CSNK1G3: variants seen among roughly 807,000 people sequenced by gnomAD.
CSNK1G3 encodes casein kinase I isoform gamma-3.
In CSNK1G3, 23 loss-of-function variants were observed where a neutral mutation model predicts 64.3. That is an observed-to-expected ratio of 0.36 (90% confidence interval 0.26 to 0.51). The LOEUF (loss-of-function observed/expected upper bound fraction) is 0.51. Among genes scored for constraint, CSNK1G3 ranks in the 20% least tolerant of loss-of-function variants. CSNK1G3 has a pLI of 0.96. For synonymous variants in CSNK1G3, 158 were observed against 162.2 expected (o/e 0.97, Z 0.20); for missense variants, 357 against 510.5 (o/e 0.70, Z 2.90).
At chr5:123,532,378 A>T (rs1780078988) in intron 1 of CSNK1G3, among the ~76,000 whole-genome samples, 1 of 151,882 alleles carries the variant, frequency 6.6e-6, no homozygotes, top group South Asian at 2.1e-4. Context: ...ATAATTTTTT[A>T]TAACAAGGTT....
At chr5:123,593,954 TAC>T (rs1197766005) in intron 10 of CSNK1G3, among the ~76,000 whole-genome samples, 2 of 151,896 alleles carry the variant, frequency 1.3e-5, no homozygotes, top group Non-Finnish European at 2.9e-5. Context: ...AAGAAAAGAG[TAC>T]TGAAGGCTTT....
At position 123,532,362 on chromosome 5, in the gene CSNK1G3, C is replaced by T. The variant is rs141727734; in HGVS notation, c.-247-13055C>T. On this transcript the variant is annotated intron_variant, in intron 1 of 12. Coordinates refer to ENST00000345990, the Ensembl canonical transcript of CSNK1G3. ...TTTGTAGTGCATGTATTACAAACTG[C>T]CCTAAATAATTTTTTATAACAAGGT... Among the ~76,000 whole-genome samples, 188 of 151,826 alleles carry T rather than the reference C, an allele frequency of 1.2e-3. 2 individuals are homozygous for T. The highest frequency in any genetic ancestry group is 2.2e-3 in the Admixed American group (33 of 15,250).
intron 6 of CSNK1G3, among the ~76,000 whole-genome samples, chr5:123,577,927 A>G (rs1789499936): frequency 6.6e-6 from 1 of 151,922 alleles, no homozygotes; most frequent in Admixed American, 6.6e-5. Context: ...TTCTATCACA[A>G]CAGATGAGTT....
chr5:123,520,678 C>A (rs1449947605), intron 1 of CSNK1G3, among the ~76,000 whole-genome samples: 1 of 151,702 alleles, frequency 6.6e-6, no homozygotes, highest in Non-Finnish European at 1.5e-5. Flanking sequence ...TTGAAATTGG[C>A]CATATAATAT....
chr5:123,547,210 G>C (rs1366456375), intron 2 of CSNK1G3, among the ~76,000 whole-genome samples: 2 of 151,850 alleles, frequency 1.3e-5, no homozygotes, highest in Non-Finnish European at 2.9e-5. Context: ...AACCACTCAG[G>C]GCTTCACGTT....
At chr5:123,557,399 A>G (rs1581113959) in intron 3 of CSNK1G3, 96 bp from the exon 4 acceptor site, 1 of 770,774 alleles carries the variant, frequency 1.3e-6, no homozygotes, top group East Asian at 2.6e-5. Flanking sequence ...ACTATTACAT[A>G]ATATAGGCAT....
chr5:123,611,037 A>G (rs187931628), intron 12 of CSNK1G3, among the ~76,000 whole-genome samples: 1 of 152,200 alleles, frequency 6.6e-6, no homozygotes, highest in Non-Finnish European at 1.5e-5. Context: ...AAAATAAAAC[A>G]ATAGTGTGCT....
intron 1 of CSNK1G3, among the ~76,000 whole-genome samples, chr5:123,524,118 A>C (rs1171301987): frequency 2.0e-5 from 3 of 152,160 alleles, no homozygotes; most frequent in Non-Finnish European, 4.4e-5. Flanking sequence ...GGTGCTAGTA[A>C]ATTTCTTCTG....
At chr5:123,611,612 A>T (rs915483184) in intron 12 of CSNK1G3, among the ~76,000 whole-genome samples, 1 of 152,176 alleles carries the variant, frequency 6.6e-6, no homozygotes, top group African/African-American at 2.4e-5. Flanking sequence ...AAAATTTGGG[A>T]CTTTGTCTTG....
At position 123,575,274 on chromosome 5, in the gene CSNK1G3, C is replaced by T. The variant is rs375878409; in HGVS notation, c.439-455C>T. Among the ~76,000 whole-genome samples, 72 of 152,144 alleles carry T rather than the reference C, an allele frequency of 4.7e-4. 1 individual carries two copies. The South Asian group carries it at 0.015, about 31-fold the overall frequency. ...AAAAAGAAAAAGATACTGAATAGTGCTGTTGTTTTTACTTAATAGTTTAGA... is the reference window on the plus strand; with the variant it reads ...AAAAAGAAAAAGATACTGAATAGTGTTGTTGTTTTTACTTAATAGTTTAGA... On this transcript the variant is annotated intron_variant, in intron 5 of 12. Transcript: ENST00000345990.
chr5:123,606,911 A>G (rs535438908), intron 12 of CSNK1G3, among the ~76,000 whole-genome samples: 3 of 152,284 alleles, frequency 2.0e-5, no homozygotes, highest in African/African-American at 7.2e-5. Flanking sequence ...ATATGTCAGT[A>G]TGTGATTAAT....
At chr5:123,555,440 A>T (rs1784448346) in intron 3 of CSNK1G3, among the ~76,000 whole-genome samples, 1 of 152,200 alleles carries the variant, frequency 6.6e-6, no homozygotes, top group African/African-American at 2.4e-5. Flanking sequence ...TGAACATCTT[A>T]TGTCTGCATA....
intron 10 of CSNK1G3, 131 bp from the exon 12 acceptor site, chr5:123,604,593 C>T: frequency 6.0e-6 from 3 of 495,988 alleles, no homozygotes; most frequent in Non-Finnish European, 7.2e-6. Flanking sequence ...TTTTGTGTTC[C>T]TCACATTAAC....
intron 9 of CSNK1G3, 51 bp from the exon 10 acceptor site, chr5:123,591,264 TTAAA>T: frequency 8.8e-7 from 1 of 1,131,418 alleles, no homozygotes; most frequent in South Asian, 1.7e-5. Flanking sequence ...CTAAATGATT[TTAAA>T]TAAGAATTTT....
intron 1 of CSNK1G3, among the ~76,000 whole-genome samples, chr5:123,514,916 T>A (rs1776875449): frequency 6.6e-6 from 1 of 152,162 alleles, no homozygotes; most frequent in African/African-American, 2.4e-5. Flanking sequence ...AAGGTCCAAA[T>A]GTACAGATCG....
At chr5:123,613,979 C>T (rs1018292459) in intron 12 of CSNK1G3, among the ~76,000 whole-genome samples, 2 of 152,060 alleles carry the variant, frequency 1.3e-5, no homozygotes, top group Admixed American at 6.6e-5. Flanking sequence ...AGAATAAACT[C>T]CCCAATGTTA....
chr5:123,575,513 C>T (rs1308542204), intron 5 of CSNK1G3, among the ~76,000 whole-genome samples: 2 of 152,150 alleles, frequency 1.3e-5, no homozygotes, highest in Admixed American at 6.5e-5. Flanking sequence ...TTCAAATACT[C>T]TCGTTTAGCA....
intron 1 of CSNK1G3, among the ~76,000 whole-genome samples, chr5:123,532,626 T>C (rs933632389): frequency 1.3e-5 from 2 of 151,994 alleles, no homozygotes; most frequent in Non-Finnish European, 2.9e-5. Flanking sequence ...GTCTCCACTA[T>C]TATTGATGGC....
intron 1 of CSNK1G3, among the ~76,000 whole-genome samples, chr5:123,524,346 A>G (rs1012796842): frequency 6.6e-6 from 1 of 151,964 alleles, no homozygotes; most frequent in African/African-American, 2.4e-5. Flanking sequence ...TTCATCAAAC[A>G]CTCTTTTTAG....
Sources: allele counts gnomAD v4.1 joint callset (sites outside exome capture counted in the v4.1 genomes callset), GRCh38; gene constraint gnomAD v4.1.1; transcripts MANE v1.5; gene names NCBI Gene and HGNC (gene_info 2026-07-23, HGNC 2026-07-21).